BRF1: variants seen among roughly 807,000 people sequenced by gnomAD.
BRF1 encodes transcription factor IIIB 90 kDa subunit.
BRF1 carries 59 observed loss-of-function variants against 81.7 expected under a neutral mutation model. The observed-to-expected ratio is 0.72, with a 90% confidence interval of 0.59 to 0.90. The LOEUF is 0.90. BRF1 is among the 40% of genes least tolerant of loss of function. The probability of loss-of-function intolerance (pLI) is 0.00; values close to 1 mark genes in which losing one functional copy is unlikely to be tolerated. For synonymous variants in BRF1, 491 were observed against 395.6 expected (o/e 1.24, Z -2.86); for missense variants, 1,050 against 936.3 (o/e 1.12, Z -1.58).
At chr14:105,241,157 C>T (rs587598510) in intron 6 of BRF1, 108 bp downstream of exon 6, 1 of 1,520,822 alleles carries the variant, frequency 6.6e-7, no homozygotes, top group Non-Finnish European at 8.8e-7. Context: ...GGAGGCAGCT[C>T]TCAGTGCTCT....
chr14:105,217,629 G>A lies in BRF1; in HGVS notation c.1687C>T (p.His563Tyr). The change falls in exon 15 of 18, where the codon CAT becomes TAT. Residue 563 changes from histidine to tyrosine, a missense_variant. His to Tyr is a moderately conservative substitution (Grantham distance 83, BLOSUM62 2). This residue lies in a region of BRF1 where 1,043 missense variants were observed against 915.4 expected (regional missense o/e 1.14). Coordinates refer to ENST00000547530, the MANE Select transcript of BRF1 (RefSeq NM_001519.4). ...SPHREDAQPEHSASARKLSRR... is the reference protein window; with the variant it reads ...SPHREDAQPEYSASARKLSRR... ...GACAGCTTCCTGGCACTGGCGCTAT[G>A]CTCGGGCTGTGCATCCTCCCTGTGC... 1 of 1,613,346 alleles carries A rather than the reference G, an allele frequency of 6.2e-7. No homozygotes were observed.
At chr14:105,246,210 A>T (rs2055092705) in intron 5 of BRF1, among the ~76,000 whole-genome samples, 1 of 145,798 alleles carries the variant, frequency 6.9e-6, no homozygotes, top group Admixed American at 6.8e-5. Context: ...ACGGAGTAAG[A>T]CTCTGTCTCA....
At position 105,271,399 on chromosome 14, in the gene BRF1, A is replaced by T. The variant is rs2056648620; in HGVS notation, c.439+1322T>A. Among the ~76,000 whole-genome samples the T allele has an allele frequency of 6.6e-6, 1 of 152,260 alleles. No homozygotes were observed. Among genetic ancestry groups the T allele is most frequent in the Non-Finnish European group, 1.5e-5 (1 of 68,044 alleles). On this transcript the variant is annotated intron_variant, in intron 3 of 17. Transcript: ENST00000547530. This position sits in a 1 kb window ranked among gnomAD's most constrained non-coding sequence, Gnocchi z 5.5. ...CAGAGGGCCACAGAACTGCCCAGTG[A>T]GAATGCTGGAGGCAAGGCGACGGCA...
At chr14:105,222,729 C>T (rs1174378393) in intron 10 of BRF1, among the ~76,000 whole-genome samples, 4 of 151,994 alleles carry the variant, frequency 2.6e-5, no homozygotes, top group Admixed American at 1.3e-4. Context: ...CCCGGGTTCA[C>T]GCCATTCTCC....
At chr14:105,216,357 G>C (rs776404084) in intron 15 of BRF1, among the ~76,000 whole-genome samples, 3 of 152,206 alleles carry the variant, frequency 2.0e-5, no homozygotes, top group Non-Finnish European at 4.4e-5. Flanking sequence ...GGACCTGGGA[G>C]TGCTCAGGCA....
At chr14:105,261,093 T>G in intron 3 of BRF1, among the ~76,000 whole-genome samples, 1 of 152,352 alleles carries the variant, frequency 6.6e-6, no homozygotes, top group East Asian at 1.9e-4. Flanking sequence ...GAAGAGGCCC[T>G]GTCTGCGGCC....
At chr14:105,251,003 GCTTAA>G (rs1320424654) in intron 5 of BRF1, 7 of 304,814 alleles carry the variant, frequency 2.3e-5, no homozygotes, top group South Asian at 7.7e-5. Context: ...GTGGTTCCAA[GCTTAA>G]CTTGAGACCT....
rs912034649 is a variant in BRF1 at position 105,248,771 on chromosome 14, T to G, written c.544+3736A>C. The G allele has an allele frequency of 2.1e-5, 21 of 980,418 alleles. No homozygotes were observed. In the African/African-American group the frequency reaches 3.6e-4, roughly 17 times the overall value. The allele number at this position is 980,418 out of a possible 1,614,324, so 60.7% of individuals were successfully genotyped here. A position where few individuals can be genotyped will look rare whatever the true frequency, so the allele number is the denominator to read the frequency against. On this transcript the variant is annotated intron_variant, in intron 5 of 17. Transcript: ENST00000547530. ...TCGCTCAGTGCCTGACCTCCTTGCT[T>G]TTGCTTGCAGAGCCGCTCCCGAGGC...
chr14:105,302,559 G>T, upstream of BRF1, among the ~76,000 whole-genome samples: 1 of 151,322 alleles, frequency 6.6e-6, no homozygotes. Flanking sequence ...ACTTAATTTG[G>T]TTCAATGTGT....
intron 5 of BRF1, chr14:105,248,814 G>A: frequency 2.0e-6 from 2 of 985,534 alleles, no homozygotes; most frequent in South Asian, 4.7e-5. Flanking sequence ...CGGCGCGAGG[G>A]CGCGGGGCGC....
At chr14:105,247,128 T>A (rs957281938) in intron 5 of BRF1, 1 of 985,360 alleles carries the variant, frequency 1.0e-6, no homozygotes, top group African/African-American at 1.7e-5. Flanking sequence ...AGCCAGCGTG[T>A]CTTTGCCAGT....
chr14:105,305,908 C>A (rs1208863771), upstream of BRF1, among the ~76,000 whole-genome samples: 1 of 152,244 alleles, frequency 6.6e-6, no homozygotes, highest in South Asian at 2.1e-4. Flanking sequence ...TCACTCGCAC[C>A]GCGCCAAAGA....
chr14:105,249,988 G>A lies in BRF1; in HGVS notation c.544+2519C>T, dbSNP rs61738773. ...AGGCCGTCCTGAACTGGGCCGAGGCGGAGTGCAAGAGGCAGGGGCTGCCAA... is the reference window on the plus strand; with the variant it reads ...AGGCCGTCCTGAACTGGGCCGAGGCAGAGTGCAAGAGGCAGGGGCTGCCAA... On this transcript the variant is annotated intron_variant, in intron 5 of 17. Coordinates refer to ENST00000547530, the MANE Select transcript of BRF1 (RefSeq NM_001519.4). The A allele has an allele frequency of 8.2e-4, 1,327 of 1,612,698 alleles. No individual in the cohort carries two copies. Among genetic ancestry groups the A allele is most frequent in the Non-Finnish European group, 1.0e-3 (1,214 of 1,180,026 alleles).
chr14:105,304,865 C>T (rs1228111415), upstream of BRF1, among the ~76,000 whole-genome samples: 1 of 152,228 alleles, frequency 6.6e-6, no homozygotes, highest in African/African-American at 2.4e-5. Context: ...TTCGCAATCA[C>T]AAGAACAGCA....
chr14:105,211,419 G>C, intron 16 of BRF1, 126 bp from the exon 17 acceptor site: 3 of 915,298 alleles, frequency 3.3e-6, no homozygotes, highest in Non-Finnish European at 4.7e-6. Context: ...GGCTCCCGGG[G>C]TTGGCCAGGG....
Position 105,229,496 on chromosome 14 carries a change from C to A in BRF1, c.695-583G>T, listed in dbSNP as rs747321113. The stretch of plus-strand genomic sequence containing the variant: ...GGATGAGGAGTGAGGGCCCTGCCGA[C>A]CTGGGGCTCCAATTCCGGAGCTGGG... On this transcript the variant is annotated intron_variant, in intron 6 of 17. Coordinates refer to ENST00000547530, the MANE Select transcript of BRF1 (RefSeq NM_001519.4). Among the ~76,000 whole-genome samples the A allele has an allele frequency of 1.7e-4, 26 of 152,332 alleles. No homozygotes were observed. The Middle Eastern group carries it at 0.02, about 120-fold the overall frequency.
At position 105,246,551 on chromosome 14, in the gene BRF1, C is replaced by A. The variant is rs1331832487; in HGVS notation, c.545-5137G>T. 3.9e-5 allele frequency among the ~76,000 whole-genome samples: 6 copies of A among 152,238 alleles called. No individual in the cohort carries two copies. The East Asian group carries it at 1.2e-3, about 29-fold the overall frequency. ...GTAGCATGATCTCAGCTCACTGCAA[C>A]CTCCGCCTCCCTGGTTCGAGCCATT... On this transcript the variant is annotated intron_variant, in intron 5 of 17. Coordinates refer to ENST00000547530, the MANE Select transcript of BRF1 (RefSeq NM_001519.4).
chr14:105,226,856 C>T (rs926731836), intron 7 of BRF1, 96 bp from the exon 8 acceptor site: 173 of 1,582,500 alleles, frequency 1.1e-4, no homozygotes, highest in Non-Finnish European at 1.4e-4. Context: ...TGCCTGTGAT[C>T]CCAGTGCTTT....
intron 1 of BRF1, among the ~76,000 whole-genome samples, chr14:105,306,464 C>T (rs1260513181): frequency 1.3e-5 from 2 of 151,826 alleles, no homozygotes; most frequent in African/African-American, 4.8e-5. Flanking sequence ...CCACCATGCC[C>T]GGCTAATTTT....
Sources: allele counts gnomAD v4.1 joint callset (sites outside exome capture counted in the v4.1 genomes callset), GRCh38; gene constraint gnomAD v4.1.1; regional missense constraint gnomAD v4.1.1; non-coding constraint Gnocchi (gnomAD v3.1); transcripts MANE v1.5; gene names NCBI Gene and HGNC (gene_info 2026-07-23, HGNC 2026-07-21).